Variants in CAP2 observed in about 807,000 individuals in gnomAD.
CAP2 encodes the protein adenylyl cyclase-associated protein 2.
In CAP2, 24 loss-of-function variants were observed where a neutral mutation model predicts 57.7. The ratio of observed to expected loss-of-function variants is 0.42; its 90% CI spans 0.30 to 0.58. The LOEUF (loss-of-function observed/expected upper bound fraction) is 0.58, where lower values mean the gene tolerates loss of function less well. CAP2 is among the 20% of genes least tolerant of loss of function. CAP2 has a pLI of 0.22. For synonymous variants in CAP2, 194 were observed against 207.2 expected (o/e 0.94, Z 0.55); for missense variants, 501 against 590.3 (o/e 0.85, Z 1.57).
chr6:17,428,270 T>G (rs1053944627), intron 3 of CAP2, among the ~76,000 whole-genome samples: 11 of 152,178 alleles, frequency 7.2e-5, no homozygotes, highest in African/African-American at 2.7e-4. Context: ...TTTTCATATT[T>G]TAAAAAATAT....
intron 4 of CAP2, among the ~76,000 whole-genome samples, chr6:17,503,888 A>AGAG (rs1347814664): frequency 6.6e-6 from 1 of 152,230 alleles, no homozygotes; most frequent in Non-Finnish European, 1.5e-5. Flanking sequence ...GAAGGGAAAG[A>AGAG]GAGGAGACAG....
At chr6:17,476,116 A>G (rs1761145921) in intron 4 of CAP2, among the ~76,000 whole-genome samples, 1 of 152,254 alleles carries the variant, frequency 6.6e-6, no homozygotes, top group Non-Finnish European at 1.5e-5. Context: ...CAAATTAAGC[A>G]CAGACAGGAC....
Position 17,557,472 on chromosome 6 carries a change from A to T in CAP2, c.*1030A>T, listed in dbSNP as rs1390285125. The T allele has an allele frequency of 6.6e-6, 1 of 152,160 alleles. No homozygotes were observed. Among genetic ancestry groups the T allele is most frequent in the Non-Finnish European group, 1.5e-5 (1 of 68,024 alleles). 9.4% of individuals were successfully genotyped at this position (152,160 alleles called of 1,614,324 possible). On this transcript the variant is annotated 3_prime_UTR_variant, in exon 13 of 13. Transcript: ENST00000229922. ...TCTTCAGCGTAAGAGTAGCTATGAT[A>T]TTCCTTTTTATCTTTTCAGTACATA...
chr6:17,454,521 C>T (rs1201425843), intron 3 of CAP2, among the ~76,000 whole-genome samples: 1 of 152,208 alleles, frequency 6.6e-6, no homozygotes, highest in Non-Finnish European at 1.5e-5. Context: ...TGTTTTCTTT[C>T]CTTTCACTCT....
intron 3 of CAP2, among the ~76,000 whole-genome samples, chr6:17,444,370 G>GATAAT (rs1386485740): frequency 2.0e-5 from 3 of 152,284 alleles, no homozygotes; most frequent in Admixed American, 2.0e-4. Flanking sequence ...TAGGCGTGGT[G>GATAAT]GCTCACGCCT....
intron 1 of CAP2, among the ~76,000 whole-genome samples, chr6:17,415,373 C>G (rs1345851510): frequency 6.6e-6 from 1 of 152,184 alleles, no homozygotes; most frequent in East Asian, 1.9e-4. Flanking sequence ...ATGGAAGAGA[C>G]CCAAAGGCTT....
intron 2 of CAP2, among the ~76,000 whole-genome samples, chr6:17,423,733 A>G: frequency 6.6e-6 from 1 of 152,254 alleles, no homozygotes. Flanking sequence ...TAGGCTAAGT[A>G]GAATTAGAGG....
At chr6:17,517,667 G>A (rs1262117754) in intron 7 of CAP2, among the ~76,000 whole-genome samples, 1 of 152,164 alleles carries the variant, frequency 6.6e-6, no homozygotes, top group Non-Finnish European at 1.5e-5. Flanking sequence ...TTGGAAGGCT[G>A]AGGCAGGTGG....
chr6:17,544,078 T>C (rs1370421324), intron 11 of CAP2, among the ~76,000 whole-genome samples: 2 of 149,966 alleles, frequency 1.3e-5, no homozygotes, highest in Non-Finnish European at 3.0e-5. Flanking sequence ...TGAACTGAGA[T>C]TGTGCCACTG....
chr6:17,484,128 C>A (rs1030447516), intron 4 of CAP2, among the ~76,000 whole-genome samples: 1 of 151,916 alleles, frequency 6.6e-6, no homozygotes, highest in African/African-American at 2.4e-5. Flanking sequence ...TCTTTGCAGA[C>A]CAAAATCAAA....
At chr6:17,398,804 G>T (rs571243239) in intron 1 of CAP2, among the ~76,000 whole-genome samples, 7 of 152,192 alleles carry the variant, frequency 4.6e-5, no homozygotes, top group African/African-American at 1.7e-4. Context: ...AATTACATGC[G>T]TGAGCCACCG....
At chr6:17,531,398 A>C in intron 7 of CAP2, 1 of 1,595,136 alleles carries the variant, frequency 6.3e-7, no homozygotes, top group Admixed American at 1.7e-5. Context: ...AGGTACATAG[A>C]AGTTGCCAGC....
chr6:17,537,100 A>G (rs1174354328), intron 7 of CAP2, among the ~76,000 whole-genome samples: 1 of 152,206 alleles, frequency 6.6e-6, no homozygotes, highest in Non-Finnish European at 1.5e-5. Context: ...TGCATTCTGA[A>G]TAAGACAATT....
At chr6:17,506,750 G>T (rs1298901131) in intron 4 of CAP2, among the ~76,000 whole-genome samples, 2 of 152,094 alleles carry the variant, frequency 1.3e-5, no homozygotes, top group Non-Finnish European at 2.9e-5. Context: ...TTTTCCACAG[G>T]AATAGGATGA....
At chr6:17,417,873 C>T (rs956280817) in intron 1 of CAP2, among the ~76,000 whole-genome samples, 1 of 152,140 alleles carries the variant, frequency 6.6e-6, no homozygotes, top group African/African-American at 2.4e-5. Context: ...CTGCTGGCCT[C>T]CTGAAGCAAA....
intron 6 of CAP2, among the ~76,000 whole-genome samples, chr6:17,508,860 C>T (rs898225342): frequency 5.9e-5 from 9 of 151,516 alleles, no homozygotes; most frequent in African/African-American, 1.9e-4. Context: ...CGGGTTCAAG[C>T]GATTCTCCTG....
At chr6:17,504,157 G>C (rs1032897149) in intron 4 of CAP2, among the ~76,000 whole-genome samples, 2 of 152,304 alleles carry the variant, frequency 1.3e-5, no homozygotes, top group African/African-American at 2.4e-5. Context: ...CGGCCAATCA[G>C]AGGCTTTGTA....
chr6:17,473,695 C>T (rs952455745), intron 4 of CAP2, among the ~76,000 whole-genome samples: 2 of 152,136 alleles, frequency 1.3e-5, no homozygotes, highest in Non-Finnish European at 2.9e-5. Flanking sequence ...GCATTCCAGT[C>T]TGGATCTGCT....
chr6:17,440,811 C>G (rs894100338), intron 3 of CAP2, among the ~76,000 whole-genome samples: 2 of 151,318 alleles, frequency 1.3e-5, no homozygotes, highest in East Asian at 3.9e-4. Flanking sequence ...CTAATGCTAT[C>G]CCTCCCACAT....
Sources: gnomAD v4.1 joint callset for allele counts (sites outside exome capture counted in the v4.1 genomes callset) on GRCh38, gnomAD v4.1.1 for gene constraint, MANE v1.5 for transcripts, NCBI Gene and HGNC (gene_info 2026-07-23, HGNC 2026-07-21) for gene names.